The following SND1 variants were observed in gnomAD, a reference collection of about 807,000 sequenced individuals.
SND1 encodes staphylococcal nuclease and tudor domain containing 1.
SND1 carries 38 observed loss-of-function variants against 121.7 expected under a neutral mutation model. The observed-to-expected ratio is 0.31, with a 90% CI of 0.24 to 0.41. The LOEUF is 0.41. Among genes scored for constraint, SND1 ranks in the 10% least tolerant of loss-of-function variants. The probability of loss-of-function intolerance (pLI) is 1.00; values close to 1 mark genes in which losing one functional copy is unlikely to be tolerated. For missense variants in SND1, 868 were observed against 1,184.6 expected (o/e 0.73, Z 3.92); for synonymous variants, 401 against 447.4 (o/e 0.90, Z 1.31).
chr7:127,742,411 G>A (rs553382530), intron 10 of SND1, among the ~76,000 whole-genome samples: 3 of 152,208 alleles, frequency 2.0e-5, no homozygotes, highest in Admixed American at 1.3e-4. Flanking sequence ...TGAAGAGGCC[G>A]GAAACCTCCC....
At chr7:128,043,861 TATACACAC>T (rs758276031) in intron 16 of SND1, among the ~76,000 whole-genome samples, 15 of 48,920 alleles carry the variant, frequency 3.1e-4, no homozygotes, top group African/African-American at 1.7e-3. Context: ...TATATACACA[TATACACAC>T]ACACACACAC....
In SND1 at chr7:127,953,151, CGT is replaced by C. The variant is rs59825900; in HGVS notation, c.1669+23891_1669+23892del. On this transcript the variant is annotated intron_variant, in intron 15 of 23. Coordinates refer to ENST00000354725, the MANE Select transcript of SND1 (RefSeq NM_014390.4). Reference sequence around the variant, plus strand: ...TGCACTCCAGCCTGGGTGACAAGACCGTGTGTGTGTGTGTGTGTGTGTGTGTG... The same window carrying C: ...TGCACTCCAGCCTGGGTGACAAGACCGTGTGTGTGTGTGTGTGTGTGTGTG... Among the ~76,000 whole-genome samples the C allele has an allele frequency of 4.8e-3, 446 of 92,272 alleles. 2 individuals carry two copies. Among genetic ancestry groups the C allele is most frequent in the East Asian group, 8.4e-3 (21 of 2,490 alleles). 60.5% of individuals were successfully genotyped at this position (92,272 alleles called of 152,430 possible). A position where few individuals can be genotyped will look rare whatever the true frequency, so the allele number is the denominator to read the frequency against.
At chr7:128,074,764 G>A in intron 17 of SND1, 74 bp downstream of exon 17, 1 of 1,392,364 alleles carries the variant, frequency 7.2e-7, no homozygotes, top group Non-Finnish European at 9.8e-7. Context: ...TGCCTCCAGA[G>A]AACAGGAGGA....
intron 15 of SND1, among the ~76,000 whole-genome samples, chr7:127,934,995 A>G (rs1801030916): frequency 6.6e-6 from 1 of 152,236 alleles, no homozygotes; most frequent in Admixed American, 6.5e-5. Flanking sequence ...CAAGGGAGTG[A>G]AGAATTCCCA....
At chr7:127,891,541 T>A (rs1449556828) in intron 13 of SND1, among the ~76,000 whole-genome samples, 2 of 152,046 alleles carry the variant, frequency 1.3e-5, no homozygotes, top group Non-Finnish European at 2.9e-5. Context: ...TATCTGAGTT[T>A]AGGGTTGTTT....
chr7:127,682,749 A>G (rs1795749549), intron 1 of SND1, among the ~76,000 whole-genome samples: 1 of 152,202 alleles, frequency 6.6e-6, no homozygotes. Flanking sequence ...GTCTCCCCCT[A>G]CTAGAATGTC....
chr7:128,047,979 C>T (rs1792980227), intron 16 of SND1, among the ~76,000 whole-genome samples: 1 of 151,990 alleles, frequency 6.6e-6, no homozygotes, highest in South Asian at 2.1e-4. Context: ...TCCCGAGTAG[C>T]TGGGACTACA....
intron 11 of SND1, among the ~76,000 whole-genome samples, chr7:127,831,422 C>A (rs1393285433): frequency 6.6e-6 from 1 of 152,208 alleles, no homozygotes; most frequent in African/African-American, 2.4e-5. Context: ...AAATGCAGTT[C>A]CTTGTTACGT....
At chr7:127,946,474 T>C (rs561444634) in intron 15 of SND1, among the ~76,000 whole-genome samples, 2 of 152,292 alleles carry the variant, frequency 1.3e-5, no homozygotes, top group African/African-American at 2.4e-5. Context: ...AGTGTATAGC[T>C]TAGAGAGTGC....
chr7:128,023,615 G>GT (rs1368036314), intron 16 of SND1, among the ~76,000 whole-genome samples: 1 of 152,208 alleles, frequency 6.6e-6, no homozygotes, highest in African/African-American at 2.4e-5. Flanking sequence ...GGGAGGATAA[G>GT]TATAACCATG....
At chr7:127,659,959 G>A (rs997944420) in intron 1 of SND1, among the ~76,000 whole-genome samples, 1 of 151,044 alleles carries the variant, frequency 6.6e-6, no homozygotes, top group African/African-American at 2.4e-5. Context: ...TTAACGGCTT[G>A]ACTTTGAATT....
intron 10 of SND1, among the ~76,000 whole-genome samples, chr7:127,750,552 G>A (rs1416372149): frequency 2.0e-5 from 3 of 152,154 alleles, no homozygotes; most frequent in Non-Finnish European, 2.9e-5. Flanking sequence ...ATGAATACAG[G>A]TTGAGTATTC....
Position 127,774,734 on chromosome 7 carries a change from A to G in SND1, c.1153-32750A>G, listed in dbSNP as rs535257348. On this transcript the variant is annotated intron_variant, in intron 10 of 23. Coordinates refer to ENST00000354725, the MANE Select transcript of SND1 (RefSeq NM_014390.4). ...GCTAGGATTACAGGCATGTGCCACC[A>G]TGCCCGGCTAATTTTTATATTTTTA... 3.9e-5 allele frequency among the ~76,000 whole-genome samples: 6 copies of G among 152,214 alleles called. No homozygotes were observed. The East Asian group carries it at 9.7e-4, about 25-fold the overall frequency.
In SND1 at chr7:127,825,073, T is replaced by C. The variant is rs563108173; in HGVS notation, c.1242+17500T>C. On this transcript the variant is annotated intron_variant, in intron 11 of 23. Transcript: ENST00000354725. ...TTGACAGTAATATATGTGTCACTGC[T>C]TTTTAGAAATGACAGTTACTAATGT... Among the ~76,000 whole-genome samples the C allele has an allele frequency of 2.0e-5, 3 of 152,316 alleles. No homozygotes were observed. The East Asian group carries it at 5.8e-4, about 29-fold the overall frequency.
chr7:127,997,253 A>G (rs1003345015), intron 16 of SND1, among the ~76,000 whole-genome samples: 1 of 152,180 alleles, frequency 6.6e-6, no homozygotes, highest in Admixed American at 6.5e-5. Flanking sequence ...TTAGAAGGCA[A>G]TAATTCTTTT....
chr7:127,952,834 TGG>T (rs1288470695), intron 15 of SND1, among the ~76,000 whole-genome samples: 2 of 152,116 alleles, frequency 1.3e-5, no homozygotes, highest in Non-Finnish European at 2.9e-5. Flanking sequence ...TTTCATAGTG[TGG>T]GTGACTGTAG....
chr7:127,971,571 AG>A (rs1268114243), intron 15 of SND1, among the ~76,000 whole-genome samples: 1 of 152,122 alleles, frequency 6.6e-6, no homozygotes, highest in Non-Finnish European at 1.5e-5. Flanking sequence ...ATACATACAA[AG>A]ATGTTCATAT....
Position 128,074,499 on chromosome 7 carries a change from C to CAGGTGG in SND1, c.1792_1797dup. The CAGGTGG allele has an allele frequency of 1.2e-6, 2 of 1,608,982 alleles. No homozygotes were observed. Among genetic ancestry groups the CAGGTGG allele is most frequent in the Non-Finnish European group, 1.7e-6 (2 of 1,176,602 alleles). Reference sequence around the variant, plus strand: ...CAGGCTTACGCCTGTCTCTCTGTCCCAGGTGGAGGTGGAGGTGGAGAGCAT... The same window carrying CAGGTGG: ...CAGGCTTACGCCTGTCTCTCTGTCCCAGGTGGAGGTGGAGGTGGAGGTGGAGAGCAT... On this transcript the variant is annotated splice_polypyrimidine_tract_variant and splice_region_variant and intron_variant, in intron 16 of 23. Coordinates refer to ENST00000354725, the MANE Select transcript of SND1 (RefSeq NM_014390.4).
At chr7:127,828,724 G>C (rs1798686791) in intron 11 of SND1, among the ~76,000 whole-genome samples, 1 of 152,054 alleles carries the variant, frequency 6.6e-6, no homozygotes, top group Non-Finnish European at 1.5e-5. Context: ...TTGATAATCA[G>C]GATAATAAAT....
Sources: gnomAD v4.1 joint callset for allele counts (sites outside exome capture counted in the v4.1 genomes callset) on GRCh38, gnomAD v4.1.1 for gene constraint, MANE v1.5 for transcripts, NCBI Gene and HGNC (gene_info 2026-07-23, HGNC 2026-07-21) for gene names.